COPS9: variants seen among roughly 807,000 people sequenced by gnomAD.
COPS9 encodes COP9 signalosome complex subunit 9.
COPS9 carries 8 observed loss-of-function variants against 7.2 expected under a neutral mutation model. The observed-to-expected ratio is 1.11, with a 90% CI of 0.65 to 2.00. COPS9 has a LOEUF of 2.00. Among genes scored for constraint, COPS9 ranks in the 30% most tolerant of loss-of-function variants. COPS9 has a pLI of 0.00. For synonymous variants in COPS9, 39 were observed against 28.7 expected (o/e 1.36, Z -1.14); for missense variants, 74 against 77.7 (o/e 0.95, Z 0.18).
intron 2 of COPS9, 140 bp from the exon 3 acceptor site, chr2:240,131,228 C>T: frequency 5.8e-6 from 6 of 1,039,928 alleles, no homozygotes; most frequent in Non-Finnish European, 8.4e-6. Flanking sequence ...TTTCCCGTAA[C>T]AGACTTTCAG....
At chr2:240,133,891 A>G (rs746967454) in intron 2 of COPS9, 42 bp downstream of exon 2, 1 of 1,597,610 alleles carries the variant, frequency 6.3e-7, no homozygotes, top group Non-Finnish European at 8.6e-7. Context: ...TAGAGAAGAA[A>G]TATTCAGATT....
At position 240,136,240 on chromosome 2, in the gene COPS9, G is replaced by A; in HGVS notation, c.45C>T (p.Pro15=). The change falls in exon 1 of 3, where the codon CCC becomes CCT. Residue 15 remains proline (P), a synonymous_variant. Coordinates refer to ENST00000607357, the MANE Select transcript of COPS9 (RefSeq NM_001163424.2). The stretch of plus-strand genomic sequence containing the variant: ...GTGCCACCTCGTCCAGGTCCACGTA[G>A]GGCCCGGCGCCCTCGGGGAACATCT... The part of the protein sequence containing the change: ...VDEMFPEGAG[P]YVDLDEAGGS... The A allele has an allele frequency of 1.3e-6, 2 of 1,564,348 alleles. No homozygotes were observed. The highest frequency in any genetic ancestry group is 1.2e-5 in the South Asian group (1 of 85,830).
At chr2:240,135,073 C>G (rs2151712259) in intron 1 of COPS9, among the ~76,000 whole-genome samples, 1 of 152,192 alleles carries the variant, frequency 6.6e-6, no homozygotes, top group Non-Finnish European at 1.5e-5. Context: ...ACAGAGCCAC[C>G]CTCTTTAGCA....
chr2:240,126,939 C>A, downstream of COPS9: 6 of 1,609,930 alleles, frequency 3.7e-6, no homozygotes, highest in Non-Finnish European at 5.1e-6. Context: ...CAGTTCACAT[C>A]TCTGGGGAGA....
At position 240,131,052 on chromosome 2, in the gene COPS9, C is replaced by A. The variant is rs746769509; in HGVS notation, c.173G>T (p.Ter58LeuextTer18). ...EDLFDDDDIQ[*>L] ...CCCCGCCTGCAGCCAGAGGGCATCT[C>A]ACTGGATGTCATCATCATCAAAAAG... is the stretch of plus-strand genomic sequence containing the variant. The change falls in exon 3 of 3, where the codon TGA (stop) becomes TTA (leucine). Residue 58 changes from the stop codon to leucine (L), a stop_lost. Transcript: ENST00000607357. 1 of 1,613,086 alleles carries A rather than the reference C, an allele frequency of 6.2e-7. No individual in the cohort carries two copies.
rs566149340 is a variant in COPS9 at position 240,131,204 on chromosome 2, T to C, written c.137-116A>G. The C allele has an allele frequency of 4.1e-6, 5 of 1,222,058 alleles. No individual in the cohort carries two copies. The African/African-American group carries it at 6.0e-5, about 15-fold the overall frequency. 75.7% of individuals were successfully genotyped at this position (1,222,058 alleles called of 1,614,324 possible). A position where few individuals can be genotyped will look rare whatever the true frequency, so the allele number is the denominator to read the frequency against. On this transcript the variant is annotated intron_variant, in intron 2 of 2. Transcript: ENST00000607357. The stretch of plus-strand genomic sequence containing the variant: ...ACAGAGATAATCGTCAATGATCCAA[T>C]GAAATAAAAGACTTTTCCCGTAACA...
intron 2 of COPS9, among the ~76,000 whole-genome samples, chr2:240,131,669 C>T (rs2071924543): frequency 6.6e-6 from 1 of 152,230 alleles, no homozygotes; most frequent in African/African-American, 2.4e-5. Flanking sequence ...TAGTGCCCTG[C>T]TTTGGGTGAT....
At chr2:240,129,822 T>G, downstream of COPS9, 1 of 1,178,426 alleles carries the variant, frequency 8.5e-7, no homozygotes, top group South Asian at 1.4e-5. Flanking sequence ...GCTCCTCGCC[T>G]GCAGATAAGC....
intron 2 of COPS9, among the ~76,000 whole-genome samples, chr2:240,131,882 G>A (rs930394913): frequency 5.3e-5 from 8 of 152,180 alleles, no homozygotes; most frequent in Non-Finnish European, 7.3e-5. Context: ...GGGTCAGAGC[G>A]AAGAGAAAGG....
At chr2:240,126,925 C>A (rs1014945046), downstream of COPS9, 1 of 1,613,130 alleles carries the variant, frequency 6.2e-7, no homozygotes, top group African/African-American at 1.3e-5. Context: ...ACTTCTCTCC[C>A]GTTCAGTTCA....
In COPS9 at chr2:240,135,860, T is replaced by TTCCCCACCCGCGTTAC. The variant is rs2071972222; in HGVS notation, c.63+361_63+362insGTAACGCGGGTGGGGA. The TTCCCCACCCGCGTTAC allele has an allele frequency of 3.7e-5, 5 of 136,482 alleles. No homozygotes were observed. In the South Asian group the frequency reaches 7.9e-4, roughly 22 times the overall value. The allele number at this position is 136,482 out of a possible 1,614,324, so 8.5% of individuals were successfully genotyped here. ...CGAGCTCAAATCCCACACGAGGTTA[T>TTCCCCACCCGCGTTAC]GGAGACGCACCGCGGGCCCCCATGG... On this transcript the variant is annotated intron_variant, in intron 1 of 2. Coordinates refer to ENST00000607357, the MANE Select transcript of COPS9 (RefSeq NM_001163424.2).
chr2:240,130,100 A>G (rs1303152685), downstream of COPS9: 4 of 1,237,420 alleles, frequency 3.2e-6, no homozygotes, highest in South Asian at 2.6e-5. Flanking sequence ...TCATGAGAAA[A>G]AGAGGCAGAG....
In COPS9 at chr2:240,131,084, A is replaced by C; in HGVS notation, c.141T>G (p.Phe47Leu). Residue 47 changes from phenylalanine (F) to leucine (L), a missense_variant, in exon 3 of 3, where the codon TTT becomes TTG. Transcript: ENST00000607357. ...KAVHADFFND[F>L]EDLFDDDDIQ Reference sequence around the variant, plus strand: ...TGTCATCATCATCAAAAAGATCTTCAAAATCTAGGGAAATAAGCAAAACCA... The same window carrying C: ...TGTCATCATCATCAAAAAGATCTTCCAAATCTAGGGAAATAAGCAAAACCA... The C allele has an allele frequency of 6.2e-7, 1 of 1,612,748 alleles. No homozygotes were observed. The highest frequency in any genetic ancestry group is 2.2e-5 in the East Asian group (1 of 44,878).
chr2:240,133,775 G>GTCA (rs1301220331), intron 2 of COPS9, among the ~76,000 whole-genome samples, 158 bp downstream of exon 2: 1 of 152,200 alleles, frequency 6.6e-6, no homozygotes, highest in Non-Finnish European at 1.5e-5. Flanking sequence ...CGCAGCCCGT[G>GTCA]TCATCGCTCC....
chr2:240,134,178 G>T (rs2071950905), intron 1 of COPS9, 173 bp from the exon 2 acceptor site: 4 of 602,044 alleles, frequency 6.6e-6, no homozygotes, highest in Non-Finnish European at 1.2e-5. Flanking sequence ...GGGGGAGGGG[G>T]AGGAATTCAA....
rs1453980570 is a variant in COPS9, at chr2:240,132,674, T to C, written c.136+1259A>G. Among the ~76,000 whole-genome samples the C allele has an allele frequency of 1.3e-5, 2 of 152,144 alleles. No individual in the cohort carries two copies. Among genetic ancestry groups the C allele is most frequent in the Non-Finnish European group, 2.9e-5 (2 of 68,016 alleles). On this transcript the variant is annotated intron_variant, in intron 2 of 2. Transcript: ENST00000607357. This position sits in a 1 kb window ranked among gnomAD's most constrained non-coding sequence, Gnocchi z 4.1. ...CTCTAACCAATGGGCTGGCAGAGGA[T>C]AAATGGGACTTTGAAGGAGATCATC...
chr2:240,133,754 C>T (rs1203915668), intron 2 of COPS9, among the ~76,000 whole-genome samples, 179 bp downstream of exon 2: 1 of 152,196 alleles, frequency 6.6e-6, no homozygotes, highest in Non-Finnish European at 1.5e-5. Flanking sequence ...ATAAGGCTGC[C>T]TGCCAGTGGC....
rs2071934975 is a variant in COPS9, at chr2:240,132,685, T to C, written c.136+1248A>G. Among the ~76,000 whole-genome samples the C allele has an allele frequency of 6.6e-6, 1 of 152,140 alleles. No homozygotes were observed. Among genetic ancestry groups the C allele is most frequent in the Non-Finnish European group, 1.5e-5 (1 of 68,018 alleles). On this transcript the variant is annotated intron_variant, in intron 2 of 2. Coordinates refer to ENST00000607357, the MANE Select transcript of COPS9 (RefSeq NM_001163424.2). This position sits in a 1 kb window ranked among gnomAD's most constrained non-coding sequence, Gnocchi z 4.1. Reference sequence around the variant, plus strand: ...GGGCTGGCAGAGGATAAATGGGACTTTGAAGGAGATCATCAAAATGCAAGC... The same window carrying C: ...GGGCTGGCAGAGGATAAATGGGACTCTGAAGGAGATCATCAAAATGCAAGC...
chr2:240,134,907 C>A (rs932541755), intron 1 of COPS9, among the ~76,000 whole-genome samples: 2 of 152,098 alleles, frequency 1.3e-5, no homozygotes, highest in Admixed American at 6.5e-5. Context: ...CCCTCTCACC[C>A]GTAAATGCTG....
Sources: allele counts gnomAD v4.1 joint callset (sites outside exome capture counted in the v4.1 genomes callset), GRCh38; gene constraint gnomAD v4.1.1; non-coding constraint Gnocchi (gnomAD v3.1); transcripts MANE v1.5; gene names NCBI Gene and HGNC (gene_info 2026-07-23, HGNC 2026-07-21).